APCDD1L: variants seen among roughly 807,000 people sequenced by gnomAD.
APCDD1L encodes the protein protein APCDD1-like.
In APCDD1L, 21 loss-of-function variants were observed where a neutral mutation model predicts 24.2. That is an observed-to-expected ratio of 0.87 (90% CI 0.61 to 1.25). APCDD1L has a LOEUF of 1.25. APCDD1L is among the 50% of genes most tolerant of loss of function. The probability of loss-of-function intolerance (pLI) is 0.00; values close to 1 mark genes in which losing one functional copy is unlikely to be tolerated. For synonymous variants in APCDD1L, 321 were observed against 323.6 expected (o/e 0.99, Z 0.09); for missense variants, 704 against 711.7 (o/e 0.99, Z 0.12).
intron 3 of APCDD1L, among the ~76,000 whole-genome samples, chr20:58,462,859 A>G (rs1468956896): frequency 2.0e-5 from 3 of 150,390 alleles, no homozygotes; most frequent in Non-Finnish European, 4.4e-5. Context: ...AAAAAAAAAA[A>G]TTGGCCAGGT....
intron 1 of APCDD1L, among the ~76,000 whole-genome samples, chr20:58,500,419 A>G (rs1990410949): frequency 6.6e-6 from 1 of 152,160 alleles, no homozygotes; most frequent in African/African-American, 2.4e-5. Flanking sequence ...CCCGGGGGTC[A>G]TATCCGGCCC....
intron 1 of APCDD1L, among the ~76,000 whole-genome samples, chr20:58,477,209 T>C (rs1005557967): frequency 2.0e-5 from 3 of 152,136 alleles, no homozygotes; most frequent in African/African-American, 7.2e-5. Context: ...TCTTAACGAG[T>C]CTACAGACCT....
At chr20:58,483,893 C>T (rs965043251) in intron 1 of APCDD1L, among the ~76,000 whole-genome samples, 2 of 152,252 alleles carry the variant, frequency 1.3e-5, no homozygotes, top group African/African-American at 4.8e-5. Context: ...CTGGAGAAGC[C>T]GGCCTCTGGA....
intron 1 of APCDD1L, among the ~76,000 whole-genome samples, chr20:58,481,454 G>GC (rs1990023088): frequency 6.6e-6 from 1 of 152,182 alleles, no homozygotes; most frequent in African/African-American, 2.4e-5. Context: ...CATGGCCTTG[G>GC]CAACTGGTTC....
At chr20:58,503,577 G>A (rs1325794575) in intron 1 of APCDD1L, among the ~76,000 whole-genome samples, 3 of 152,230 alleles carry the variant, frequency 2.0e-5, no homozygotes, top group South Asian at 2.1e-4. Flanking sequence ...AAAGAGTAGA[G>A]TTGGGTATGA....
At chr20:58,511,233 G>A (rs1041584839) in intron 1 of APCDD1L, among the ~76,000 whole-genome samples, 1 of 152,154 alleles carries the variant, frequency 6.6e-6, no homozygotes, top group Non-Finnish European at 1.5e-5. Flanking sequence ...ACCACCTTCC[G>A]TGCCAACTTC....
intron 1 of APCDD1L, among the ~76,000 whole-genome samples, chr20:58,474,728 C>CA (rs1383828146): frequency 1.3e-5 from 2 of 151,946 alleles, no homozygotes; most frequent in Non-Finnish European, 2.9e-5. Flanking sequence ...CAAAACAAAA[C>CA]AAAAAATAAC....
intron 2 of APCDD1L, among the ~76,000 whole-genome samples, chr20:58,468,679 T>C (rs1300747882): frequency 2.0e-5 from 3 of 152,344 alleles, no homozygotes; most frequent in East Asian, 3.9e-4. Flanking sequence ...GCAATTCTCC[T>C]GCCTCAGTCT....
At chr20:58,464,762 G>A (rs748589076) in intron 3 of APCDD1L, among the ~76,000 whole-genome samples, 1 of 152,022 alleles carries the variant, frequency 6.6e-6, no homozygotes, top group African/African-American at 2.4e-5. Flanking sequence ...GGCAAGGCGT[G>A]GGCCCCAGAG....
At position 58,508,065 on chromosome 20, in the gene APCDD1L, C is replaced by G. The variant is rs1990553900; in HGVS notation, c.49+6594G>C. The stretch of plus-strand genomic sequence containing the variant: ...TGGTACAACTCATTTGGAAAAAAAG[C>G]TGGTGGGAGAATTTAGCAAACACAC... On this transcript the variant is annotated intron_variant, in intron 1 of 3. Coordinates refer to ENST00000371149, the MANE Select transcript of APCDD1L (RefSeq NM_153360.3). The surrounding 1 kb of genome is among the most constrained non-coding windows in gnomAD (Gnocchi z 4.0). 6.6e-6 allele frequency among the ~76,000 whole-genome samples: 1 copy of G among 152,202 alleles called. No individual in the cohort carries two copies. Among genetic ancestry groups the G allele is most frequent in the African/African-American group, 2.4e-5 (1 of 41,458 alleles).
chr20:58,479,043 A>G (rs1989972525), intron 1 of APCDD1L, among the ~76,000 whole-genome samples: 1 of 152,116 alleles, frequency 6.6e-6, no homozygotes, highest in Non-Finnish European at 1.5e-5. Flanking sequence ...CAGGATCCTG[A>G]CATGGTCCTG....
chr20:58,466,959 G>T, intron 3 of APCDD1L, 147 bp downstream of exon 3: 1 of 1,013,480 alleles, frequency 9.9e-7, no homozygotes, highest in Non-Finnish European at 1.4e-6. Flanking sequence ...TGAGGCACGC[G>T]GACCAGAGTG....
intron 1 of APCDD1L, among the ~76,000 whole-genome samples, chr20:58,498,770 C>CCTCTGTCCAAAAG (rs1398932254): frequency 2.6e-5 from 4 of 152,372 alleles, no homozygotes; most frequent in Admixed American, 6.5e-5. Context: ...AATGCCTCCT[C>CCTCTGTCCAAAAG]CTCCTCTGTC....
At chr20:58,476,045 G>A (rs1039728215) in intron 1 of APCDD1L, among the ~76,000 whole-genome samples, 50 of 152,174 alleles carry the variant, frequency 3.3e-4, no homozygotes, top group African/African-American at 1.1e-3. Flanking sequence ...CCCAGGTACT[G>A]GGGGTTAGGA....
intron 1 of APCDD1L, among the ~76,000 whole-genome samples, chr20:58,475,759 A>G (rs1989896731): frequency 1.3e-5 from 2 of 152,114 alleles, no homozygotes; most frequent in Admixed American, 1.3e-4. Context: ...CTGAAGTTTG[A>G]AATCAAGGTG....
At position 58,467,309 on chromosome 20, in the gene APCDD1L, G is replaced by A. The variant is rs1413606297; in HGVS notation, c.538C>T (p.Arg180Trp). The A allele has an allele frequency of 3.3e-6, 5 of 1,526,682 alleles. No homozygotes were observed. The highest frequency in any genetic ancestry group is 4.4e-6 in the Non-Finnish European group (5 of 1,143,568). The allele number at this position is 1,526,682 out of a possible 1,614,324, so 94.6% of individuals were successfully genotyped here. Residue 180 changes from arginine to tryptophan, a missense_variant, in exon 3 of 4, where the codon CGG becomes TGG. By Grantham distance (101) the Arg-to-Trp change is moderately radical. Transcript: ENST00000371149. This position sits in a 1 kb window ranked among gnomAD's most constrained non-coding sequence, Gnocchi z 5.9. ...PGALYELRSA[R>W]AQGDCLEALG... The stretch of plus-strand genomic sequence containing the variant: ...GCCTCCAGGCAGTCCCCCTGAGCCC[G>A]GGCGCTCCGCAGCTCGTACAGCGCC...
intron 1 of APCDD1L, among the ~76,000 whole-genome samples, chr20:58,495,063 G>A (rs1990295338): frequency 6.6e-6 from 1 of 152,152 alleles, no homozygotes; most frequent in Non-Finnish European, 1.5e-5. Context: ...GCTGGACACT[G>A]GCCCCAACTG....
At chr20:58,484,265 T>A (rs775207972) in intron 1 of APCDD1L, among the ~76,000 whole-genome samples, 36 of 152,278 alleles carry the variant, frequency 2.4e-4, no homozygotes, top group African/African-American at 8.2e-4. Flanking sequence ...ACAAAGATGA[T>A]TTAAAAGCGC....
chr20:58,466,045 T>C (rs1198745420), intron 3 of APCDD1L, among the ~76,000 whole-genome samples: 1 of 149,906 alleles, frequency 6.7e-6, no homozygotes, highest in East Asian at 2.0e-4. Context: ...CACACCCTTG[T>C]AGGAGCCAGG....
Sources: allele counts gnomAD v4.1 joint callset (sites outside exome capture counted in the v4.1 genomes callset), GRCh38; gene constraint gnomAD v4.1.1; non-coding constraint Gnocchi (gnomAD v3.1); transcripts MANE v1.5; gene names NCBI Gene and HGNC (gene_info 2026-07-23, HGNC 2026-07-21).